The following BICRAL variants were observed in gnomAD, a reference collection of about 807,000 sequenced individuals.
The protein encoded by BICRAL is BRD4-interacting chromatin-remodeling complex-associated protein-like.
BICRAL carries 8 observed loss-of-function variants against 91.8 expected under a neutral mutation model. The ratio of observed to expected loss-of-function variants is 0.09; its 90% CI spans 0.05 to 0.16. The LOEUF (loss-of-function observed/expected upper bound fraction) is 0.16, where lower values mean the gene tolerates loss of function less well. BICRAL is among the 10% of genes least tolerant of loss of function. BICRAL has a pLI of 1.00. For missense variants in BICRAL, 1,038 were observed against 1,310.9 expected, an observed-to-expected ratio of 0.79 and a Z score of 3.21; for synonymous variants, 445 against 491.1, an observed-to-expected ratio of 0.91 and a Z score of 1.24.
At chr6:42,764,891 C>A (rs1762609181) in intron 1 of BICRAL, among the ~76,000 whole-genome samples, 1 of 152,182 alleles carries the variant, frequency 6.6e-6, no homozygotes, top group African/African-American at 2.4e-5. Flanking sequence ...GATCTCCTGA[C>A]CTTGTGATCC....
chr6:42,773,383 TA>T (rs902522658), intron 1 of BICRAL, among the ~76,000 whole-genome samples: 22 of 147,722 alleles, frequency 1.5e-4, no homozygotes, highest in South Asian at 2.1e-4. Context: ...TGGCTGCAAT[TA>T]AAAAAAAAAA....
chr6:42,807,279 G>A (rs1466451254), intron 1 of BICRAL, among the ~76,000 whole-genome samples: 3 of 151,706 alleles, frequency 2.0e-5, no homozygotes, highest in Non-Finnish European at 4.4e-5. Flanking sequence ...CGCCTTCCGG[G>A]TTCATGCCAT....
chr6:42,766,278 T>G (rs1762631489), intron 1 of BICRAL, among the ~76,000 whole-genome samples: 1 of 152,186 alleles, frequency 6.6e-6, no homozygotes, highest in Admixed American at 6.5e-5. Context: ...TCCACAAATC[T>G]TGGGGGTAAG....
chr6:42,747,779 C>T (rs1383893050), intron 1 of BICRAL, among the ~76,000 whole-genome samples: 2 of 146,820 alleles, frequency 1.4e-5, no homozygotes, highest in African/African-American at 5.0e-5. Context: ...GGTGAGGCTT[C>T]TGTTTTTGCT....
At position 42,849,388 on chromosome 6, in the gene BICRAL, C is replaced by T. The variant is rs548218119; in HGVS notation, c.1840-2704C>T. On this transcript the variant is annotated intron_variant, in intron 6 of 12. Transcript: ENST00000314073. ...GGCATGAGTCACCACATCTGGCCTC[C>T]TTTTCATTTTTATATTACAAAAGAG... Among the ~76,000 whole-genome samples the T allele has an allele frequency of 1.1e-4, 17 of 151,676 alleles. No homozygotes were observed. The East Asian group carries it at 3.1e-3, about 28-fold the overall frequency.
intron 1 of BICRAL, among the ~76,000 whole-genome samples, chr6:42,751,654 C>CTTTTTTTTTTT (rs1190737893): frequency 5.1e-5 from 6 of 116,566 alleles, no homozygotes; most frequent in Non-Finnish European, 7.0e-5. Context: ...TCTTTCTTTT[C>CTTTTTTTTTTT]TTTTTTTTTT....
intron 1 of BICRAL, among the ~76,000 whole-genome samples, chr6:42,773,306 G>C (rs1359766857): frequency 6.6e-6 from 1 of 151,922 alleles, no homozygotes; most frequent in Non-Finnish European, 1.5e-5. Flanking sequence ...TTGAACTCCT[G>C]ACCTCAGGTG....
intron 2 of BICRAL, among the ~76,000 whole-genome samples, chr6:42,816,537 C>T (rs900294223): frequency 5.3e-5 from 8 of 152,102 alleles, no homozygotes; most frequent in Non-Finnish European, 2.9e-5. Flanking sequence ...AGTCATCCTC[C>T]GACCTCAGCC....
intron 3 of BICRAL, 110 bp from the exon 4 acceptor site, chr6:42,822,686 A>T: frequency 1.7e-6 from 1 of 584,752 alleles, no homozygotes; most frequent in Non-Finnish European, 3.0e-6. Flanking sequence ...TAGGGAGAGG[A>T]TTTTACTCAG....
intron 3 of BICRAL, 28 bp downstream of exon 3, chr6:42,822,091 A>G (rs1459697452): frequency 6.7e-7 from 1 of 1,502,732 alleles, no homozygotes. Context: ...AAACCTGGGT[A>G]AATCAAATGT....
intron 2 of BICRAL, among the ~76,000 whole-genome samples, chr6:42,815,403 G>C (rs1365222852): frequency 2.0e-5 from 3 of 151,748 alleles, no homozygotes; most frequent in African/African-American, 7.3e-5. Flanking sequence ...TGTTGGCCAG[G>C]TTGGTCTCAA....
intron 1 of BICRAL, among the ~76,000 whole-genome samples, chr6:42,790,335 T>A (rs1029720458): frequency 5.5e-5 from 7 of 128,032 alleles, no homozygotes; most frequent in African/African-American, 1.6e-4. Flanking sequence ...ATTTAATTTT[T>A]TTTTTTTTTT....
intron 9 of BICRAL, among the ~76,000 whole-genome samples, chr6:42,856,526 C>T (rs957059462): frequency 6.6e-6 from 1 of 151,436 alleles, no homozygotes; most frequent in Non-Finnish European, 1.5e-5. Flanking sequence ...AGGCACCCGC[C>T]ATCACGCCTG....
chr6:42,795,947 A>G (rs1472583419), intron 1 of BICRAL, among the ~76,000 whole-genome samples: 4 of 152,222 alleles, frequency 2.6e-5, no homozygotes, highest in Non-Finnish European at 5.9e-5. Flanking sequence ...GATCATATGT[A>G]CACACATAAA....
upstream of BICRAL, among the ~76,000 whole-genome samples, chr6:42,779,974 C>T (rs1457235379): frequency 6.6e-6 from 1 of 152,134 alleles, no homozygotes; most frequent in Non-Finnish European, 1.5e-5. Flanking sequence ...GCCCATAGCT[C>T]ACTGCAACCT....
At chr6:42,787,298 T>C (rs1763128572) in intron 1 of BICRAL, among the ~76,000 whole-genome samples, 1 of 151,232 alleles carries the variant, frequency 6.6e-6, no homozygotes, top group Non-Finnish European at 1.5e-5. Flanking sequence ...TGGAGAGGAG[T>C]GGGTAGCAAG....
intron 5 of BICRAL, among the ~76,000 whole-genome samples, chr6:42,824,544 A>G (rs186148770): frequency 0.01 from 1,523 of 152,200 alleles, 7 homozygotes; most frequent in Middle Eastern, 0.031. Context: ...GCGTTTCTCC[A>G]TGTTGGCCTG....
At chr6:42,767,032 T>TC (rs1449641228) in intron 1 of BICRAL, among the ~76,000 whole-genome samples, 1 of 137,600 alleles carries the variant, frequency 7.3e-6, no homozygotes, top group African/African-American at 2.7e-5. Context: ...AGAGTGAGAC[T>TC]CCATCTCAAA....
chr6:42,830,363 C>T (rs1325368555), intron 6 of BICRAL, among the ~76,000 whole-genome samples, 191 bp downstream of exon 6: 1 of 152,038 alleles, frequency 6.6e-6, no homozygotes, highest in Non-Finnish European at 1.5e-5. Flanking sequence ...CCCAGGAGTT[C>T]GAGGCCAGCC....
Sources: gnomAD v4.1 joint callset for allele counts (sites outside exome capture counted in the v4.1 genomes callset) on GRCh38, gnomAD v4.1.1 for gene constraint, MANE v1.5 for transcripts, NCBI Gene and HGNC (gene_info 2026-07-23, HGNC 2026-07-21) for gene names.